Variants in TPO observed in about 807,000 individuals in gnomAD.
TPO encodes the protein thyroid microsomal antigen.
TPO carries 78 observed loss-of-function variants against 96.9 expected under a neutral mutation model. That is an observed-to-expected ratio of 0.81 (90% confidence interval 0.67 to 0.97). TPO has a LOEUF of 0.97. Ranked by LOEUF, TPO falls within the 50% of genes least tolerant of loss-of-function variation. The pLI is 0.00. For missense variants in TPO, 1,252 were observed against 1,274.8 expected (o/e 0.98, Z 0.27); for synonymous variants, 547 against 538.0 (o/e 1.02, Z -0.23).
intron 15 of TPO, among the ~76,000 whole-genome samples, chr2:1,529,722 C>T (rs1234608848): frequency 1.6e-5 from 1 of 62,908 alleles, no homozygotes; most frequent in Non-Finnish European, 3.6e-5. Flanking sequence ...CCTCAAATCC[C>T]CCCACTGTGA....
chr2:1,431,578 G>A (rs1485640853), intron 3 of TPO, among the ~76,000 whole-genome samples: 4 of 152,128 alleles, frequency 2.6e-5, no homozygotes, highest in South Asian at 2.1e-4. Flanking sequence ...GATCACTACC[G>A]TCAAACAAAG....
At chr2:1,435,413 G>A (rs1177784140) in intron 4 of TPO, among the ~76,000 whole-genome samples, 2 of 152,338 alleles carry the variant, frequency 1.3e-5, no homozygotes, top group African/African-American at 2.4e-5. Context: ...TGGACTGTTA[G>A]TGAGCATTCA....
At chr2:1,500,709 G>A (rs533842969) in intron 13 of TPO, among the ~76,000 whole-genome samples, 2 of 152,324 alleles carry the variant, frequency 1.3e-5, no homozygotes, top group South Asian at 2.1e-4. Context: ...GTTTATGCCT[G>A]TAATCCCAGC....
chr2:1,385,662 C>A (rs1213543056), intron 1 of TPO, among the ~76,000 whole-genome samples: 2 of 151,746 alleles, frequency 1.3e-5, no homozygotes, highest in Non-Finnish European at 2.9e-5. Context: ...AAAAAAAAAC[C>A]AGCTCCTGGA....
At chr2:1,442,110 C>T (rs1333341884) in intron 5 of TPO, among the ~76,000 whole-genome samples, 1 of 152,228 alleles carries the variant, frequency 6.6e-6, no homozygotes, top group East Asian at 1.9e-4. Context: ...TCCTCCTTGC[C>T]TTCCACCATG....
intron 1 of TPO, among the ~76,000 whole-genome samples, chr2:1,388,200 A>T (rs374779359): frequency 6.2e-4 from 95 of 152,308 alleles, no homozygotes; most frequent in African/African-American, 2.3e-3. Flanking sequence ...TCAGATCACA[A>T]ACTCCATGCT....
In TPO at chr2:1,413,815, T is replaced by C. The variant is rs1168575532; in HGVS notation, c.-2+270T>C. 8 of 884,736 alleles carry C rather than the reference T, an allele frequency of 9.0e-6. No homozygotes were observed. In the Admixed American group the frequency reaches 3.1e-4, roughly 34 times the overall value. 54.8% of individuals were successfully genotyped at this position (884,736 alleles called of 1,614,324 possible). A position where few individuals can be genotyped will look rare whatever the true frequency, so the allele number is the denominator to read the frequency against. On this transcript the variant is annotated intron_variant, in intron 1 of 16. Coordinates refer to ENST00000329066, the MANE Select transcript of TPO (RefSeq NM_001206744.2). ...ACTGGTGCTATCCTGCTTAACAAAA[T>C]TAGTGGCTCAAAAATAGCCACAGAA...
intron 3 of TPO, among the ~76,000 whole-genome samples, chr2:1,430,546 C>T (rs185284354): frequency 2.8e-4 from 42 of 152,340 alleles, no homozygotes; most frequent in African/African-American, 9.6e-4. Context: ...AGGGGGCCAT[C>T]GCCCTGCAGA....
At position 1,515,861 on chromosome 2, in the gene TPO, C is replaced by A. The variant is rs114569035; in HGVS notation, c.2519-1022C>A. Among the ~76,000 whole-genome samples, 1,187 of 152,086 alleles carry A rather than the reference C, an allele frequency of 7.8e-3. 15 individuals carry two copies. Among genetic ancestry groups the A allele is most frequent in the African/African-American group, 0.027 (1,118 of 41,482 alleles). On this transcript the variant is annotated intron_variant, in intron 14 of 16. Transcript: ENST00000329066. Reference sequence around the variant, plus strand: ...GCCCCAGAGCCTATCTTCAACCACACGTGATGATGTTTATCCAGGGCGACC... The same window carrying A: ...GCCCCAGAGCCTATCTTCAACCACAAGTGATGATGTTTATCCAGGGCGACC...
At chr2:1,527,949 T>TGCAACCTCCTCAAATCCCCCCAATGTGA (rs1677012627) in intron 15 of TPO, among the ~76,000 whole-genome samples, 1 of 108,994 alleles carries the variant, frequency 9.2e-6, no homozygotes, top group African/African-American at 3.7e-5. Flanking sequence ...CCCCACTGCG[T>TGCAACCTCCTCAAATCCCCCCAATGTGA]GCAACCTCCT....
intron 4 of TPO, among the ~76,000 whole-genome samples, chr2:1,434,070 T>A (rs1665307008): frequency 6.6e-6 from 1 of 152,142 alleles, no homozygotes; most frequent in Non-Finnish European, 1.5e-5. Flanking sequence ...AATTTACTCA[T>A]CTCTAAAATG....
At chr2:1,461,220 A>G (rs1236087833) in intron 7 of TPO, among the ~76,000 whole-genome samples, 1 of 152,082 alleles carries the variant, frequency 6.6e-6, no homozygotes, top group Non-Finnish European at 1.5e-5. Context: ...GGGTCACGTG[A>G]TGGTTGTGGT....
chr2:1,513,115 C>G (rs747645032), intron 14 of TPO, among the ~76,000 whole-genome samples: 8 of 152,234 alleles, frequency 5.3e-5, no homozygotes, highest in Non-Finnish European at 1.2e-4. Flanking sequence ...CCAGCACTGT[C>G]CCTGGATGCA....
Position 1,542,756 on chromosome 2 carries a change from C to CGGCG in TPO, c.*282_*283insGGCG. ...ATCTTTATTTTGTGAACCCTGGAAA[C>CGGCG]ACCACTCTTGCAATCCTCCTGTCTC... On this transcript the variant is annotated 3_prime_UTR_variant, in exon 17 of 17. Transcript: ENST00000329066. 3.4e-5 allele frequency: 29 copies of CGGCG among 861,302 alleles called. No homozygotes were observed. Among genetic ancestry groups the CGGCG allele is most frequent in the Admixed American group, 1.6e-4 (6 of 36,954 alleles). 53.4% of individuals were successfully genotyped at this position (861,302 alleles called of 1,614,324 possible). A position where few individuals can be genotyped will look rare whatever the true frequency, so the allele number is the denominator to read the frequency against.
At chr2:1,496,297 A>T in intron 12 of TPO, 100 bp downstream of exon 12, 1 of 1,435,964 alleles carries the variant, frequency 7.0e-7, no homozygotes, top group Non-Finnish European at 9.6e-7. Context: ...CACTGTTTAG[A>T]AAATAGTGTC....
chr2:1,423,219 T>G, intron 3 of TPO, 90 bp downstream of exon 3: 1 of 1,242,472 alleles, frequency 8.0e-7, no homozygotes, highest in Non-Finnish European at 1.1e-6. Flanking sequence ...ATTTTCGCAA[T>G]TGCAGATGAA....
intron 1 of TPO, among the ~76,000 whole-genome samples, chr2:1,383,692 A>T (rs1661845422): frequency 1.3e-5 from 2 of 152,114 alleles, no homozygotes; most frequent in Non-Finnish European, 2.9e-5. Flanking sequence ...CTCTGATGGT[A>T]GTTTCTTTTG....
rs548962135 is a variant in TPO at position 1,474,917 on chromosome 2, T to G, written c.820-2169T>G. 2.6e-5 allele frequency among the ~76,000 whole-genome samples: 4 copies of G among 152,368 alleles called. No individual in the cohort carries two copies. The East Asian group carries it at 7.7e-4, about 29-fold the overall frequency. On this transcript the variant is annotated intron_variant, in intron 7 of 16. Transcript: ENST00000329066. ...TAACTTCTGCATGCATTAATTTAACTTTCTCATTTATTTGTGCTTTAGCTC... is the reference window on the plus strand; with the variant it reads ...TAACTTCTGCATGCATTAATTTAACGTTCTCATTTATTTGTGCTTTAGCTC...
chr2:1,399,097 C>A (rs552116596), intron 1 of TPO, among the ~76,000 whole-genome samples: 1 of 152,202 alleles, frequency 6.6e-6, no homozygotes, highest in Non-Finnish European at 1.5e-5. Flanking sequence ...TCCCAGGTGG[C>A]GGCTGCAGTT....
Sources: gnomAD v4.1 joint callset for allele counts (sites outside exome capture counted in the v4.1 genomes callset) on GRCh38, gnomAD v4.1.1 for gene constraint, MANE v1.5 for transcripts, NCBI Gene and HGNC (gene_info 2026-07-23, HGNC 2026-07-21) for gene names.